DDHD1: variants seen among roughly 807,000 people sequenced by gnomAD.
DDHD1 encodes phospholipase DDHD1.
In DDHD1, 49 loss-of-function variants were observed where a neutral mutation model predicts 96.4. That is an observed-to-expected ratio of 0.51 (90% CI 0.40 to 0.64). DDHD1 has a LOEUF of 0.64. Among genes scored for constraint, DDHD1 ranks in the 30% least tolerant of loss-of-function variants. The probability of loss-of-function intolerance (pLI) is 0.00; values close to 1 mark genes in which losing one functional copy is unlikely to be tolerated. For missense variants in DDHD1, 1,106 were observed against 1,161.2 expected, an observed-to-expected ratio of 0.95 and a Z score of 0.69; for synonymous variants, 442 against 446.5, an observed-to-expected ratio of 0.99 and a Z score of 0.13.
rs1303842343 is a variant in DDHD1, at chr14:53,090,531, A to G, written c.1289+1254T>C. ...AAATGTGACACATATACACCATGGA[A>G]TATGACACAGCCATAAAAAAGGATG... On this transcript the variant is annotated intron_variant, in intron 4 of 12. Coordinates refer to ENST00000673822, the MANE Select transcript of DDHD1 (RefSeq NM_001160148.2). Among the ~76,000 whole-genome samples the G allele has an allele frequency of 2.0e-5, 3 of 152,248 alleles. 1 individual carries two copies. The East Asian group carries it at 5.8e-4, about 29-fold the overall frequency.
intron 1 of DDHD1, among the ~76,000 whole-genome samples, chr14:53,151,198 G>A (rs1891330796): frequency 2.0e-5 from 3 of 152,182 alleles, no homozygotes; most frequent in Admixed American, 2.0e-4. Context: ...ATACAGAAAG[G>A]AAGCTGTCAT....
intron 2 of DDHD1, among the ~76,000 whole-genome samples, chr14:53,095,313 C>A (rs1797471180): frequency 6.6e-6 from 1 of 152,100 alleles, no homozygotes; most frequent in African/African-American, 2.4e-5. Flanking sequence ...ACAAACTGAC[C>A]TGCCACAGAG....
At chr14:53,070,084 G>A (rs1884384169) in intron 6 of DDHD1, among the ~76,000 whole-genome samples, 1 of 152,098 alleles carries the variant, frequency 6.6e-6, no homozygotes, top group Admixed American at 6.6e-5. Flanking sequence ...CCAGAGCTCT[G>A]AGCCCTCTTA....
Position 53,042,221 on chromosome 14 carries a change from T to C in DDHD1, c.*4547A>G, listed in dbSNP as rs1881709611. The C allele has an allele frequency of 6.6e-6, 1 of 152,214 alleles. No individual in the cohort carries two copies. The highest frequency in any genetic ancestry group is 2.4e-5 in the African/African-American group (1 of 41,458). 9.4% of individuals were successfully genotyped at this position (152,214 alleles called of 1,614,324 possible). On this transcript the variant is annotated 3_prime_UTR_variant, in exon 13 of 13. Coordinates refer to ENST00000673822, the MANE Select transcript of DDHD1 (RefSeq NM_001160148.2). ...AGATAGATTCACAGAGCATTTAGTGTAGCAAAGGCTCTCAAAGCCCTGCTG... is the reference window on the plus strand; with the variant it reads ...AGATAGATTCACAGAGCATTTAGTGCAGCAAAGGCTCTCAAAGCCCTGCTG...
chr14:53,068,386 C>T (rs2139895258), intron 6 of DDHD1, among the ~76,000 whole-genome samples: 1 of 151,628 alleles, frequency 6.6e-6, no homozygotes, highest in South Asian at 2.1e-4. Flanking sequence ...GCTAGGACTA[C>T]AGCCCAAACC....
chr14:53,088,377 T>C (rs1886155253), intron 4 of DDHD1, among the ~76,000 whole-genome samples: 1 of 152,048 alleles, frequency 6.6e-6, no homozygotes. Flanking sequence ...AAAGAGAGAA[T>C]TTCAGACCAA....
At chr14:53,133,696 C>G (rs187553486) in intron 1 of DDHD1, among the ~76,000 whole-genome samples, 1 of 152,254 alleles carries the variant, frequency 6.6e-6, no homozygotes, top group Non-Finnish European at 1.5e-5. Flanking sequence ...TCATTAGGCC[C>G]CAGTCTCATT....
intron 4 of DDHD1, among the ~76,000 whole-genome samples, chr14:53,076,779 C>T (rs965047251): frequency 6.6e-6 from 1 of 152,146 alleles, no homozygotes; most frequent in African/African-American, 2.4e-5. Context: ...GGACGCAAGA[C>T]CCTTCAACAG....
rs139846735 is a variant in DDHD1 at position 53,123,115 on chromosome 14, GTTATTATTATTATTA to G, written c.839-19274_839-19260del. On this transcript the variant is annotated intron_variant, in intron 1 of 12. Coordinates refer to ENST00000673822, the MANE Select transcript of DDHD1 (RefSeq NM_001160148.2). Reference sequence around the variant, plus strand: ...GACACAAATGTACCAGATAATTGCTGTTATTATTATTATTATTATTATTATTATTATTATTATTAT... The same window carrying G: ...GACACAAATGTACCAGATAATTGCTGTTATTATTATTATTATTATTATTAT... Among the ~76,000 whole-genome samples, 387 of 138,444 alleles carry G rather than the reference GTTATTATTATTATTA, an allele frequency of 2.8e-3. 6 individuals are homozygous for G. The highest frequency in any genetic ancestry group is 0.019 in the East Asian group (91 of 4,782). 90.8% of individuals were successfully genotyped at this position (138,444 alleles called of 152,430 possible). A position where few individuals can be genotyped will look rare whatever the true frequency, so the allele number is the denominator to read the frequency against.
chr14:53,097,729 T>C (rs1016625793), intron 2 of DDHD1, among the ~76,000 whole-genome samples: 1 of 151,948 alleles, frequency 6.6e-6, no homozygotes, highest in Admixed American at 6.6e-5. Flanking sequence ...TATGGACCAT[T>C]TGACCATGTT....
rs201917974 is a variant in DDHD1 at position 53,091,968 on chromosome 14, A to C, written c.1142-36T>G. ...ATTATAATTCTAAGTTTACTATTTA[A>C]TCTGAGAAATAGCATTTCCACAATA... On this transcript the variant is annotated intron_variant, in intron 3 of 12. Coordinates refer to ENST00000673822, the MANE Select transcript of DDHD1 (RefSeq NM_001160148.2). 3.5e-4 allele frequency: 544 copies of C among 1,561,932 alleles called. 3 individuals carry two copies. The African/African-American group carries it at 6.6e-3, about 19-fold the overall frequency.
chr14:53,101,577 C>T (rs1887299006), intron 2 of DDHD1, among the ~76,000 whole-genome samples: 1 of 151,966 alleles, frequency 6.6e-6, no homozygotes, highest in South Asian at 2.1e-4. Context: ...AATTTTACTA[C>T]TCCATGTATA....
intron 1 of DDHD1, among the ~76,000 whole-genome samples, chr14:53,118,476 T>C (rs1159644771): frequency 2.6e-5 from 4 of 152,208 alleles, no homozygotes; most frequent in East Asian, 1.9e-4. Context: ...AGTGACCTGA[T>C]GGCACTGAAA....
In DDHD1 at chr14:53,051,988, A is replaced by T. The variant is rs374513190; in HGVS notation, c.2438-61T>A. ...GGCTGATGATTAAAAATGGCCTTCA[A>T]TGATGTAGTGGCCAAAAGTTAGAAC... On this transcript the variant is annotated intron_variant, in intron 11 of 12. Coordinates refer to ENST00000673822, the MANE Select transcript of DDHD1 (RefSeq NM_001160148.2). The T allele has an allele frequency of 4.6e-6, 6 of 1,307,142 alleles. No homozygotes were observed. The African/African-American group carries it at 7.4e-5, about 16-fold the overall frequency. The allele number at this position is 1,307,142 out of a possible 1,614,324, so 81.0% of individuals were successfully genotyped here.
intron 1 of DDHD1, among the ~76,000 whole-genome samples, chr14:53,120,554 A>G (rs1888907248): frequency 6.6e-6 from 1 of 152,202 alleles, no homozygotes; most frequent in African/African-American, 2.4e-5. Flanking sequence ...ACTATACTAC[A>G]AGGCTACAGT....
chr14:53,045,541 A>C lies in DDHD1; in HGVS notation c.*1227T>G, dbSNP rs1168669052. On this transcript the variant is annotated 3_prime_UTR_variant, in exon 13 of 13. Transcript: ENST00000673822. ...GACTAGCTCAATCCAAGCTTTTCTG[A>C]TTTCTGATGTAATCTAATTCATGGC... The C allele has an allele frequency of 6.6e-6, 1 of 152,124 alleles. No individual in the cohort carries two copies. The highest frequency in any genetic ancestry group is 1.5e-5 in the Non-Finnish European group (1 of 68,022). The allele number at this position is 152,124 out of a possible 1,614,324, so 9.4% of individuals were successfully genotyped here.
intron 1 of DDHD1, among the ~76,000 whole-genome samples, chr14:53,148,046 A>G (rs78356082): frequency 0.01 from 1,527 of 152,326 alleles, 31 homozygotes; most frequent in African/African-American, 0.035. Context: ...TTGTTGCAAT[A>G]TACCACAAAA....
intron 2 of DDHD1, among the ~76,000 whole-genome samples, chr14:53,094,175 TA>T (rs879555584): frequency 2.0e-3 from 262 of 129,624 alleles, no homozygotes; most frequent in Middle Eastern, 4.4e-3. Flanking sequence ...AGACTCCGTC[TA>T]AAAAAAAAAA....
At chr14:53,151,307 A>T (rs1161290958) in intron 1 of DDHD1, among the ~76,000 whole-genome samples, 1 of 152,234 alleles carries the variant, frequency 6.6e-6, no homozygotes, top group East Asian at 1.9e-4. Flanking sequence ...CACGAAAATT[A>T]AAAGTGTATA....
Sources: allele counts gnomAD v4.1 joint callset (sites outside exome capture counted in the v4.1 genomes callset), GRCh38; gene constraint gnomAD v4.1.1; transcripts MANE v1.5; gene names NCBI Gene and HGNC (gene_info 2026-07-23, HGNC 2026-07-21).